Variants in PTPRR observed in about 807,000 individuals in gnomAD.
PTPRR encodes protein tyrosine phosphatase receptor type R.
PTPRR carries 38 observed loss-of-function variants against 77.2 expected under a neutral mutation model. The ratio of observed to expected loss-of-function variants is 0.49; its 90% CI spans 0.38 to 0.65. The LOEUF (loss-of-function observed/expected upper bound fraction) is 0.65, where lower values mean the gene tolerates loss of function less well. Among genes scored for constraint, PTPRR ranks in the 30% least tolerant of loss-of-function variants. The pLI, the probability that PTPRR is intolerant of heterozygous loss-of-function variation, is 0.00. For synonymous variants in PTPRR, 299 were observed against 283.1 expected (o/e 1.06, Z -0.57); for missense variants, 744 against 799.2 (o/e 0.93, Z 0.83).
intron 12 of PTPRR, among the ~76,000 whole-genome samples, chr12:70,658,419 A>G (rs1354369710): frequency 1.3e-5 from 2 of 152,212 alleles, no homozygotes; most frequent in Non-Finnish European, 2.9e-5. Context: ...AATTCAGAGG[A>G]GTGGCTCTCT....
At chr12:70,735,149 G>A (rs1044507965) in intron 6 of PTPRR, among the ~76,000 whole-genome samples, 2 of 152,142 alleles carry the variant, frequency 1.3e-5, no homozygotes, top group African/African-American at 2.4e-5. Flanking sequence ...AAGGGCTTGT[G>A]CATGTTTCCA....
chr12:70,698,108 T>A (rs1475987611), intron 8 of PTPRR, among the ~76,000 whole-genome samples, 157 bp downstream of exon 8: 1 of 152,244 alleles, frequency 6.6e-6, no homozygotes, highest in African/African-American at 2.4e-5. Context: ...GGGATACATG[T>A]GCAGAATGTG....
intron 8 of PTPRR, among the ~76,000 whole-genome samples, chr12:70,696,077 G>C (rs1375735857): frequency 2.6e-5 from 4 of 152,030 alleles, no homozygotes; most frequent in Non-Finnish European, 5.9e-5. Flanking sequence ...AGACTTTGTG[G>C]CTCCATCTTT....
intron 2 of PTPRR, among the ~76,000 whole-genome samples, chr12:70,882,373 G>T (rs1184389539): frequency 6.6e-6 from 1 of 152,042 alleles, no homozygotes; most frequent in South Asian, 2.1e-4. Flanking sequence ...AGTCACTACC[G>T]TGACTGCTGC....
chr12:70,673,436 C>T (rs963059327), intron 10 of PTPRR, among the ~76,000 whole-genome samples: 1 of 152,156 alleles, frequency 6.6e-6, no homozygotes, highest in Admixed American at 6.6e-5. Context: ...ATTCTGTAAT[C>T]CTTGTGAGAT....
chr12:70,898,751 C>T (rs1893480082), intron 1 of PTPRR, among the ~76,000 whole-genome samples: 1 of 150,888 alleles, frequency 6.6e-6, no homozygotes, highest in Non-Finnish European at 1.5e-5. Flanking sequence ...AAGTAGAAAT[C>T]ATTACATTGA....
At chr12:70,917,736 C>T (rs138691432) in intron 1 of PTPRR, among the ~76,000 whole-genome samples, 2 of 152,130 alleles carry the variant, frequency 1.3e-5, no homozygotes, top group African/African-American at 2.4e-5. Flanking sequence ...GGAGATGGCA[C>T]TCAAGTTGCA....
Position 70,884,837 on chromosome 12 carries a change from A to C in PTPRR, c.357+7842T>G, listed in dbSNP as rs1044212946. ...CAGTGAGCCGAGATCGTGCCACTGCACTCCAGTCTGGGCAACAGAGCAAAA... is the reference window on the plus strand; with the variant it reads ...CAGTGAGCCGAGATCGTGCCACTGCCCTCCAGTCTGGGCAACAGAGCAAAA... On this transcript the variant is annotated intron_variant, in intron 2 of 13. Coordinates refer to ENST00000283228, the MANE Select transcript of PTPRR (RefSeq NM_002849.4). Among the ~76,000 whole-genome samples the C allele has an allele frequency of 2.8e-3, 370 of 134,052 alleles. 2 individuals are homozygous for C. Among genetic ancestry groups the C allele is most frequent in the African/African-American group, 1.0e-2 (354 of 35,434 alleles). The allele number at this position is 134,052 out of a possible 152,430, so 87.9% of individuals were successfully genotyped here.
At chr12:70,915,582 CA>C (rs1430633081) in intron 1 of PTPRR, among the ~76,000 whole-genome samples, 3 of 152,316 alleles carry the variant, frequency 2.0e-5, no homozygotes, top group Non-Finnish European at 2.9e-5. Flanking sequence ...AAAATGTAGC[CA>C]ATCAGCAAAG....
At chr12:70,837,562 A>T (rs1219755715) in intron 2 of PTPRR, among the ~76,000 whole-genome samples, 3 of 152,112 alleles carry the variant, frequency 2.0e-5, no homozygotes, top group Admixed American at 2.0e-4. Context: ...CTTGTTTATT[A>T]TAAAAGGTAT....
chr12:70,847,113 A>T (rs1892498108), intron 2 of PTPRR, among the ~76,000 whole-genome samples: 1 of 152,204 alleles, frequency 6.6e-6, no homozygotes, highest in Non-Finnish European at 1.5e-5. Flanking sequence ...GCCTGACACG[A>T]GAACTTGGAT....
intron 2 of PTPRR, among the ~76,000 whole-genome samples, chr12:70,829,137 G>C (rs893469964): frequency 3.3e-5 from 5 of 151,908 alleles, no homozygotes; most frequent in African/African-American, 1.2e-4. Flanking sequence ...GCAGTAACTT[G>C]TCTATTCCAT....
intron 10 of PTPRR, among the ~76,000 whole-genome samples, chr12:70,671,687 AG>A (rs1374500780): frequency 6.6e-6 from 1 of 152,252 alleles, no homozygotes; most frequent in Non-Finnish European, 1.5e-5. Flanking sequence ...CACTTGAGAA[AG>A]AAAGAACAAG....
chr12:70,769,011 A>C (rs542279123), intron 2 of PTPRR, among the ~76,000 whole-genome samples: 4 of 145,510 alleles, frequency 2.7e-5, no homozygotes, highest in Admixed American at 6.8e-5. Flanking sequence ...GACATATCTC[A>C]AAATAATAAG....
intron 10 of PTPRR, among the ~76,000 whole-genome samples, chr12:70,676,630 T>C (rs1053697569): frequency 2.6e-5 from 4 of 152,080 alleles, no homozygotes; most frequent in African/African-American, 9.6e-5. Context: ...TCAGTGCATG[T>C]ATATATGGGT....
intron 1 of PTPRR, among the ~76,000 whole-genome samples, chr12:70,900,766 G>T (rs970430982): frequency 2.0e-5 from 3 of 151,616 alleles, no homozygotes; most frequent in African/African-American, 4.8e-5. Flanking sequence ...ATAGGTAAAT[G>T]AAAATATGCT....
intron 2 of PTPRR, among the ~76,000 whole-genome samples, chr12:70,889,082 C>G (rs190304953): frequency 8.5e-5 from 13 of 152,280 alleles, no homozygotes; most frequent in Non-Finnish European, 1.3e-4. Context: ...AATAAATTTT[C>G]TCCAGTTTGG....
Position 70,698,362 on chromosome 12 carries a change from A to G in PTPRR, c.1195-13T>C. ...TCATTGGTATTTCCTGCAAAAATAA[A>G]TAATATCAAATTAGTGTATCTAATA... is the stretch of plus-strand genomic sequence containing the variant. On this transcript the variant is annotated splice_polypyrimidine_tract_variant and intron_variant, in intron 7 of 13. Transcript: ENST00000283228. 6.2e-7 allele frequency: 1 copy of G among 1,603,186 alleles called. No individual in the cohort carries two copies. Among genetic ancestry groups the G allele is most frequent in the Middle Eastern group, 1.7e-4 (1 of 6,020 alleles).
chr12:70,780,506 G>T (rs2136996945), intron 2 of PTPRR, among the ~76,000 whole-genome samples: 1 of 152,142 alleles, frequency 6.6e-6, no homozygotes, highest in South Asian at 2.1e-4. Context: ...GGATAATCAT[G>T]TATCCCATCA....
Sources: allele counts gnomAD v4.1 joint callset (sites outside exome capture counted in the v4.1 genomes callset), GRCh38; gene constraint gnomAD v4.1.1; transcripts MANE v1.5; gene names NCBI Gene and HGNC (gene_info 2026-07-23, HGNC 2026-07-21).